Variants in ASCC2 observed in about 807,000 individuals in gnomAD.
ASCC2 encodes activating signal cointegrator 1 complex subunit 2, also known as ASC-1 complex subunit P100.
In ASCC2, 42 loss-of-function variants were observed where a neutral mutation model predicts 93.5. The observed-to-expected ratio is 0.45, with a 90% CI of 0.35 to 0.58. ASCC2 has a LOEUF of 0.58. ASCC2 is among the 20% of genes least tolerant of loss of function. The pLI is 0.00. For synonymous variants in ASCC2, 364 were observed against 384.2 expected, an observed-to-expected ratio of 0.95 and a Z score of 0.62; for missense variants, 859 against 977.6, an observed-to-expected ratio of 0.88 and a Z score of 1.62.
intron 8 of ASCC2, among the ~76,000 whole-genome samples, chr22:29,812,849 G>A (rs966783478): frequency 2.6e-5 from 4 of 151,748 alleles, no homozygotes; most frequent in African/African-American, 7.2e-5. Context: ...GTTCCCCCCA[G>A]GCTACTCTAT....
At chr22:29,814,056 C>T (rs529306042) in intron 7 of ASCC2, among the ~76,000 whole-genome samples, 11 of 152,240 alleles carry the variant, frequency 7.2e-5, no homozygotes, top group Admixed American at 2.6e-4. Flanking sequence ...ACCGAGGTTC[C>T]GAGAGGTAAA....
intron 8 of ASCC2, among the ~76,000 whole-genome samples, chr22:29,809,159 A>C (rs1039014131): frequency 9.9e-5 from 15 of 151,592 alleles, no homozygotes; most frequent in Non-Finnish European, 2.1e-4. Flanking sequence ...TGAAAATCTC[A>C]ACACAATATT....
In ASCC2 at chr22:29,806,980, T is replaced by C. The variant is rs549053685; in HGVS notation, c.909-76A>G. Reference sequence around the variant, plus strand: ...GGGGCCAGGTGCAGTGGTTTACACCTGAAACCCTAGCATCTTGGGAATCTG... The same window carrying C: ...GGGGCCAGGTGCAGTGGTTTACACCCGAAACCCTAGCATCTTGGGAATCTG... On this transcript the variant is annotated intron_variant, in intron 9 of 19. Transcript: ENST00000307790. The C allele has an allele frequency of 2.0e-4, 232 of 1,136,016 alleles. 4 individuals carry two copies. The South Asian group carries it at 3.2e-3, about 16-fold the overall frequency. The allele number at this position is 1,136,016 out of a possible 1,614,324, so 70.4% of individuals were successfully genotyped here.
chr22:29,793,604 G>A lies in ASCC2; in HGVS notation c.1761C>T (p.Tyr587=), dbSNP rs2058053669. Residue 587 remains tyrosine, a synonymous_variant, in exon 16 of 20, where the codon TAC becomes TAT. Transcript: ENST00000307790. ...CCTCCACCACCACGCTGTACTGCTCGTAGCGCTGCCGCTGTGCCGCCACTG... is the reference window on the plus strand; with the variant it reads ...CCTCCACCACCACGCTGTACTGCTCATAGCGCTGCCGCTGTGCCGCCACTG... ...KRAVAAQRQR[Y]EQYSVVVEEV... 2.5e-6 allele frequency: 4 copies of A among 1,610,064 alleles called. No homozygotes were observed. Among genetic ancestry groups the A allele is most frequent in the East Asian group, 2.2e-5 (1 of 44,672 alleles).
At chr22:29,832,480 T>A in intron 1 of ASCC2, 138 bp from the exon 2 acceptor site, 1 of 643,588 alleles carries the variant, frequency 1.6e-6, no homozygotes, top group Non-Finnish European at 2.6e-6. Context: ...GTTCAGGACC[T>A]GGTTCATGCA....
chr22:29,837,325 C>T (rs2063940141), intron 1 of ASCC2, among the ~76,000 whole-genome samples: 1 of 151,796 alleles, frequency 6.6e-6, no homozygotes, highest in Non-Finnish European at 1.5e-5. Flanking sequence ...CCTAGCTACT[C>T]AGGAGGCTGA....
chr22:29,833,523 A>T, intron 1 of ASCC2: 1 of 462,682 alleles, frequency 2.2e-6, no homozygotes, highest in South Asian at 1.6e-5. Flanking sequence ...GCTCCTTTCT[A>T]CAAAGGCACA....
rs1602192438 is a variant in ASCC2 at position 29,825,493 on chromosome 22, T to C, written c.240+129A>G. 4.5e-6 allele frequency: 6 copies of C among 1,344,638 alleles called. 1 individual carries two copies. In the East Asian group the frequency reaches 1.4e-4, roughly 32 times the overall value. The allele number at this position is 1,344,638 out of a possible 1,614,324, so 83.3% of individuals were successfully genotyped here. On this transcript the variant is annotated intron_variant, in intron 3 of 19. Transcript: ENST00000307790. This position sits in a 1 kb window ranked among gnomAD's most constrained non-coding sequence, Gnocchi z 4.9. ...CAAGACAGAGCAATCCGAACCACAA[T>C]TTGCTGTTAAGGATCCAGTGAAAGA...
At chr22:29,833,661 A>C (rs763648118) in intron 1 of ASCC2, 9 of 470,406 alleles carry the variant, frequency 1.9e-5, no homozygotes, top group African/African-American at 1.8e-4. Context: ...ACGGAATAGA[A>C]GTGTATTAGG....
At chr22:29,828,535 A>C (rs1044532672) in intron 2 of ASCC2, among the ~76,000 whole-genome samples, 2 of 152,180 alleles carry the variant, frequency 1.3e-5, no homozygotes, top group South Asian at 4.1e-4. Flanking sequence ...TAAATGACCT[A>C]TGGTATCTGT....
chr22:29,815,339 T>C (rs1326856887), intron 6 of ASCC2: 1 of 152,994 alleles, frequency 6.5e-6, no homozygotes, highest in Non-Finnish European at 1.5e-5. Context: ...ATCCTGTAGA[T>C]ATTATCTGAC....
At chr22:29,837,379 G>A (rs2148467793) in intron 1 of ASCC2, among the ~76,000 whole-genome samples, 1 of 152,320 alleles carries the variant, frequency 6.6e-6, no homozygotes, top group African/African-American at 2.4e-5. Flanking sequence ...GTTGCAGTGG[G>A]ACGAGATCAC....
chr22:29,825,475 G>A lies in ASCC2; in HGVS notation c.240+147C>T, dbSNP rs1039087437. On this transcript the variant is annotated intron_variant, in intron 3 of 19. Transcript: ENST00000307790. This position sits in a 1 kb window ranked among gnomAD's most constrained non-coding sequence, Gnocchi z 4.9. ...AACATTAAGATTGTGATACAAGACA[G>A]AGCAATCCGAACCACAATTTGCTGT... The A allele has an allele frequency of 8.1e-7, 1 of 1,232,624 alleles. No homozygotes were observed. The highest frequency in any genetic ancestry group is 1.4e-5 in the South Asian group (1 of 73,186). 76.4% of individuals were successfully genotyped at this position (1,232,624 alleles called of 1,614,324 possible).
chr22:29,832,023 G>A (rs2063215948), intron 2 of ASCC2, among the ~76,000 whole-genome samples: 1 of 152,132 alleles, frequency 6.6e-6, no homozygotes, highest in Non-Finnish European at 1.5e-5. Context: ...TGGGGGGAAG[G>A]TGCAGGGTGG....
At position 29,838,234 on chromosome 22, in the gene ASCC2, G is replaced by A. The variant is rs1396682552; in HGVS notation, c.-74C>T. 2 of 468,326 alleles carry A rather than the reference G, an allele frequency of 4.3e-6. No individual in the cohort carries two copies. The highest frequency in any genetic ancestry group is 8.6e-6 in the Non-Finnish European group (2 of 232,686). 29.0% of individuals were successfully genotyped at this position (468,326 alleles called of 1,614,324 possible). A position where few individuals can be genotyped will look rare whatever the true frequency, so the allele number is the denominator to read the frequency against. On this transcript the variant is annotated 5_prime_UTR_variant, in exon 1 of 20. Coordinates refer to ENST00000307790, the MANE Select transcript of ASCC2 (RefSeq NM_032204.5). ...CGCCGCCGCCGCCGCCGCCGACCAC[G>A]GTGACAGCTCCCTGAGCGCCCGCAC...
chr22:29,836,236 A>C (rs927303209), intron 1 of ASCC2, among the ~76,000 whole-genome samples: 4 of 152,014 alleles, frequency 2.6e-5, no homozygotes, highest in African/African-American at 7.2e-5. Flanking sequence ...GACAGAAGTG[A>C]AGAGAGAAGA....
At chr22:29,793,032 T>A (rs1266241412) in intron 17 of ASCC2, among the ~76,000 whole-genome samples, 1 of 151,908 alleles carries the variant, frequency 6.6e-6, no homozygotes, top group East Asian at 1.9e-4. Flanking sequence ...ACACCTGTAG[T>A]CCCAGCTACT....
At chr22:29,794,905 C>A (rs753431913) in intron 15 of ASCC2, among the ~76,000 whole-genome samples, 2 of 152,048 alleles carry the variant, frequency 1.3e-5, no homozygotes, top group South Asian at 4.2e-4. Flanking sequence ...GGAAGCCCCA[C>A]GCCAAATGAC....
At chr22:29,820,894 G>A (rs1035797414) in intron 5 of ASCC2, among the ~76,000 whole-genome samples, 3 of 112,964 alleles carry the variant, frequency 2.7e-5, no homozygotes, top group African/African-American at 1.0e-4. Flanking sequence ...CAACAAGAGC[G>A]AAACTCCATC....
Sources: gnomAD v4.1 joint callset for allele counts (sites outside exome capture counted in the v4.1 genomes callset) on GRCh38, gnomAD v4.1.1 for gene constraint, Gnocchi (gnomAD v3.1) non-coding constraint, MANE v1.5 for transcripts, NCBI Gene and HGNC (gene_info 2026-07-23, HGNC 2026-07-21) for gene names.